Variants in OR6C3 observed in about 807,000 individuals in gnomAD.
The protein encoded by OR6C3 is olfactory receptor 6C3.
For synonymous variants in OR6C3, 177 were observed against 137.4 expected, an observed-to-expected ratio of 1.29 and a Z score of -2.02; for missense variants, 487 against 364.6, an observed-to-expected ratio of 1.34 and a Z score of -2.73.
Position 55,331,792 on chromosome 12 carries a change from C to A in OR6C3, c.92C>A (p.Thr31Lys), listed in dbSNP as rs200971550. Residue 31 changes from threonine (T) to lysine (K), a missense_variant, in exon 2 of 2, where the codon ACG (threonine) becomes AAG (lysine). Thr to Lys is a moderately conservative substitution (Grantham distance 78). Coordinates refer to ENST00000641740, the MANE Select transcript of OR6C3 (RefSeq NM_001388498.1). ...QIVIFLFLFI[T>K]YILSVTGNLT... Reference sequence around the variant, plus strand: ...GTGATTTTTCTCTTTTTATTTATCACGTATATATTAAGTGTTACTGGAAAC... The same window carrying A: ...GTGATTTTTCTCTTTTTATTTATCAAGTATATATTAAGTGTTACTGGAAAC... The A allele has an allele frequency of 1.2e-6, 2 of 1,613,108 alleles. No homozygotes were observed. The highest frequency in any genetic ancestry group is 1.7e-6 in the Non-Finnish European group (2 of 1,179,148).
chr12:55,332,347 T>G lies in OR6C3; in HGVS notation c.647T>G (p.Met216Arg), dbSNP rs1355099334. Residue 216 changes from methionine to arginine, a missense_variant, in exon 2 of 2, where the codon ATG becomes AGG. Transcript: ENST00000641740. ...FTLALVILSY[M>R]YIIRTILRIP... ...TTGGCATTAGTGATTTTATCTTACA[T>G]GTACATTATCAGGACCATTTTGAGA... is the stretch of plus-strand genomic sequence containing the variant. 6.2e-7 allele frequency: 1 copy of G among 1,614,044 alleles called. No homozygotes were observed. The highest frequency in any genetic ancestry group is 8.5e-7 in the Non-Finnish European group (1 of 1,180,040).
rs368054315 is a variant in OR6C3 at position 55,332,091 on chromosome 12, T to A, written c.391T>A (p.Ser131Thr). ...CATCTGCAAGCCCCTTCATTACACATCCATCATGAACAGGAAACTCTGCAC... is the reference window on the plus strand; with the variant it reads ...CATCTGCAAGCCCCTTCATTACACAACCATCATGAACAGGAAACTCTGCAC... ...VAICKPLHYT[S>T]IMNRKLCTLL... Residue 131 changes from serine to threonine, a missense_variant, in exon 2 of 2, where the codon TCC (serine) becomes ACC (threonine). Physicochemically the swap from Ser to Thr is moderately conservative, Grantham distance 58. Transcript: ENST00000641740. 1 of 1,614,028 alleles carries A rather than the reference T, an allele frequency of 6.2e-7. No individual in the cohort carries two copies. The highest frequency in any genetic ancestry group is 1.3e-5 in the African/African-American group (1 of 74,920).
At chr12:55,330,289 T>G (rs1868801668), upstream of OR6C3, 2 of 152,216 alleles carry the variant, frequency 1.3e-5, no homozygotes, top group South Asian at 4.1e-4. Context: ...GGAATAAATT[T>G]TTTTTGAACT....
intron 1 of OR6C3, 95 bp downstream of exon 1, chr12:55,330,902 T>C (rs1433793817): frequency 6.6e-6 from 1 of 152,078 alleles, no homozygotes; most frequent in East Asian, 1.9e-4. Flanking sequence ...AATGTCTGTA[T>C]GTAGAATATA....
At chr12:55,331,496 G>A (rs937052149) in intron 1 of OR6C3, among the ~76,000 whole-genome samples, 161 bp from the exon 2 acceptor site, 2 of 151,942 alleles carry the variant, frequency 1.3e-5, no homozygotes, top group Admixed American at 1.3e-4. Context: ...TAAATAGGCT[G>A]GACTTAGAAA....
rs1565665130 is a variant in OR6C3, at chr12:55,332,312, G to C, written c.612G>C (p.Leu204Phe). 6.2e-7 allele frequency: 1 copy of C among 1,613,888 alleles called. No individual in the cohort carries two copies. Among genetic ancestry groups the C allele is most frequent in the African/African-American group, 1.3e-5 (1 of 74,892 alleles). The part of the protein sequence containing the change: ...VIGFYFALVT[L>F]LFTLALVILS... ...GTTTTTACTTTGCTTTGGTTACTTT[G>C]CTGTTCACTTTGGCATTAGTGATTT... The change falls in exon 2 of 2, where the codon TTG becomes TTC. Residue 204 changes from leucine to phenylalanine, a missense_variant. Physicochemically the swap from Leu to Phe is conservative, Grantham distance 22. Coordinates refer to ENST00000641740, the MANE Select transcript of OR6C3 (RefSeq NM_001388498.1).
Position 55,332,324 on chromosome 12 carries a change from G to A in OR6C3, c.624G>A (p.Leu208=). The A allele has an allele frequency of 1.2e-6, 2 of 1,613,960 alleles. No homozygotes were observed. Among genetic ancestry groups the A allele is most frequent in the Non-Finnish European group, 1.7e-6 (2 of 1,179,998 alleles). ...CTTTGGTTACTTTGCTGTTCACTTTGGCATTAGTGATTTTATCTTACATGT... is the reference window on the plus strand; with the variant it reads ...CTTTGGTTACTTTGCTGTTCACTTTAGCATTAGTGATTTTATCTTACATGT... ...YFALVTLLFT[L]ALVILSYMYI... The change falls in exon 2 of 2, where the codon TTG becomes TTA. Residue 208 remains leucine (L), a synonymous_variant. Coordinates refer to ENST00000641740, the MANE Select transcript of OR6C3 (RefSeq NM_001388498.1).
In OR6C3 at chr12:55,331,660, A is replaced by G. The variant is rs1868851124; in HGVS notation, c.-41A>G. ...TCTACCAAAATATCTTTAAAAGAAC[A>G]AAAAGGAGAGTGGAAGAAGGAGAGA... On this transcript the variant is annotated 5_prime_UTR_variant, in exon 2 of 2. Transcript: ENST00000641740. 1.5e-6 allele frequency: 2 copies of G among 1,317,134 alleles called. No individual in the cohort carries two copies. The highest frequency in any genetic ancestry group is 2.9e-5 in the African/African-American group (2 of 67,876). 81.6% of individuals were successfully genotyped at this position (1,317,134 alleles called of 1,614,324 possible). A position where few individuals can be genotyped will look rare whatever the true frequency, so the allele number is the denominator to read the frequency against.
rs1346542701 is a variant in OR6C3 at position 55,332,175 on chromosome 12, C to T, written c.475C>T (p.Leu159Phe). 4.3e-6 allele frequency: 7 copies of T among 1,614,048 alleles called. No homozygotes were observed. The highest frequency in any genetic ancestry group is 5.9e-6 in the Non-Finnish European group (7 of 1,180,002). Residue 159 changes from leucine to phenylalanine, a missense_variant, in exon 2 of 2, where the codon CTT becomes TTT. Leu to Phe is a conservative substitution (Grantham distance 22). Transcript: ENST00000641740. ...TCTGACCATTTTCCCACCCCTTATGCTTCTCCTCCAGCTGGATTACTGTGC... is the reference window on the plus strand; with the variant it reads ...TCTGACCATTTTCCCACCCCTTATGTTTCTCCTCCAGCTGGATTACTGTGC... ...GFLTIFPPLM[L>F]LLQLDYCASN...
rs756277359 is a variant in OR6C3 at position 55,332,219 on chromosome 12, CTT to C, written c.521_522del (p.Phe174CysfsTer3). ...ACTGTGCTTCCAACGTCATTGATCA[CTT>C]TGCATGTGACTATTTTCCCCTCTTA... The part of the protein sequence containing the change: ...DYCASNVIDH[F>X]ACDYFPLLQL... On this transcript the variant is annotated frameshift_variant, in exon 2 of 2. Transcript: ENST00000641740. LOFTEE classifies it low-confidence loss of function (END_TRUNC). 5.4e-5 allele frequency: 87 copies of C among 1,614,108 alleles called. 1 individual carries two copies. In the East Asian group the frequency reaches 1.2e-3, roughly 21 times the overall value.
At position 55,332,458 on chromosome 12, in the gene OR6C3, T is replaced by C. The variant is rs201039887; in HGVS notation, c.758T>C (p.Ile253Thr). 16 of 1,614,088 alleles carry C rather than the reference T, an allele frequency of 9.9e-6. No homozygotes were observed. The highest frequency in any genetic ancestry group is 1.4e-5 in the Non-Finnish European group (16 of 1,179,982). The change falls in exon 2 of 2, where the codon ATA (isoleucine) becomes ACA (threonine). Residue 253 changes from isoleucine (I) to threonine (T), a missense_variant. Transcript: ENST00000641740. ...ATTTCCATTTCTTATGGAAGCTGTA[T>C]ATTCATGTATGCTAATCCATCTGCA... is the stretch of plus-strand genomic sequence containing the variant. The part of the protein sequence containing the change: ...IVISISYGSC[I>T]FMYANPSAKE...
At position 55,331,898 on chromosome 12, in the gene OR6C3, A is replaced by T. The variant is rs377081441; in HGVS notation, c.198A>T (p.Leu66Phe). ...TCTTCCTCCGGAACTTCTCTTTCTT[A>T]GAAATCTCATTTACAACCGTATGCA... ...MYFFLRNFSF[L>F]EISFTTVCIP... Residue 66 changes from leucine to phenylalanine, a missense_variant, in exon 2 of 2, where the codon TTA (leucine) becomes TTT (phenylalanine). Leu to Phe is a conservative substitution (Grantham distance 22). Transcript: ENST00000641740. 83 of 1,614,010 alleles carry T rather than the reference A, an allele frequency of 5.1e-5. No homozygotes were observed. The Admixed American group carries it at 1.4e-3, about 27-fold the overall frequency.
At position 55,332,457 on chromosome 12, in the gene OR6C3, A is replaced by G. The variant is rs142665694; in HGVS notation, c.757A>G (p.Ile253Val). Residue 253 changes from isoleucine to valine, a missense_variant, in exon 2 of 2, where the codon ATA becomes GTA. Coordinates refer to ENST00000641740, the MANE Select transcript of OR6C3 (RefSeq NM_001388498.1). ...CATTTCCATTTCTTATGGAAGCTGT[A>G]TATTCATGTATGCTAATCCATCTGC... ...IVISISYGSCIFMYANPSAKE... is the reference protein window; with the variant it reads ...IVISISYGSCVFMYANPSAKE... 2.2e-5 allele frequency: 35 copies of G among 1,613,940 alleles called. No homozygotes were observed. Among genetic ancestry groups the G allele is most frequent in the Admixed American group, 6.7e-5 (4 of 59,992 alleles).
rs778920995 is a variant in OR6C3 at position 55,331,712 on chromosome 12, A to G, written c.12A>G (p.Thr4=). ...AGAAAGGACGAGACATGAACCACACAATGGTCACAGAGTTTGTCCTCCTGG... is the reference window on the plus strand; with the variant it reads ...AGAAAGGACGAGACATGAACCACACGATGGTCACAGAGTTTGTCCTCCTGG... MNH[T]MVTEFVLLGL... The change falls in exon 2 of 2, where the codon ACA becomes ACG. Residue 4 remains threonine, a synonymous_variant. Transcript: ENST00000641740. The G allele has an allele frequency of 1.2e-6, 2 of 1,610,720 alleles. No individual in the cohort carries two copies. Among genetic ancestry groups the G allele is most frequent in the Non-Finnish European group, 8.5e-7 (1 of 1,177,456 alleles).
rs371374392 is a variant in OR6C3 at position 55,332,378 on chromosome 12, G to A, written c.678G>A (p.Pro226=). Residue 226 remains proline, a synonymous_variant, in exon 2 of 2, where the codon CCG becomes CCA. Coordinates refer to ENST00000641740, the MANE Select transcript of OR6C3 (RefSeq NM_001388498.1). ...MYIIRTILRI[P]SASQRKKAFS... ...TTATCAGGACCATTTTGAGAATCCC[G>A]TCTGCCAGTCAAAGAAAAAAGGCTT... 315 of 1,613,976 alleles carry A rather than the reference G, an allele frequency of 2.0e-4. 3 individuals are homozygous for A. In the South Asian group the frequency reaches 2.5e-3, roughly 13 times the overall value.
chr12:55,331,873 T>C lies in OR6C3; in HGVS notation c.173T>C (p.Phe58Ser). 6.2e-7 allele frequency: 1 copy of C among 1,614,186 alleles called. No individual in the cohort carries two copies. The highest frequency in any genetic ancestry group is 1.7e-5 in the Admixed American group (1 of 60,028). Residue 58 changes from phenylalanine (F) to serine (S), a missense_variant, in exon 2 of 2, where the codon TTC (phenylalanine) becomes TCC (serine). Coordinates refer to ENST00000641740, the MANE Select transcript of OR6C3 (RefSeq NM_001388498.1). ...TCCCATCTGCAGACACCTATGTATT[T>C]CTTCCTCCGGAACTTCTCTTTCTTA... Reference protein sequence around the residue: ...VDSHLQTPMYFFLRNFSFLEI... With the variant: ...VDSHLQTPMYSFLRNFSFLEI...
chr12:55,331,715 G>A lies in OR6C3; in HGVS notation c.15G>A (p.Met5Ile), dbSNP rs748043808. Reference protein sequence around the residue: MNHTMVTEFVLLGLS... With the variant: MNHTIVTEFVLLGLS... ...AAGGACGAGACATGAACCACACAAT[G>A]GTCACAGAGTTTGTCCTCCTGGGCC... is the stretch of plus-strand genomic sequence containing the variant. The change falls in exon 2 of 2, where the codon ATG becomes ATA. Residue 5 changes from methionine (M) to isoleucine (I), a missense_variant. By Grantham distance (10) the Met-to-Ile change is conservative (BLOSUM62 1). Transcript: ENST00000641740. 2.5e-6 allele frequency: 4 copies of A among 1,611,378 alleles called. No individual in the cohort carries two copies. Among genetic ancestry groups the A allele is most frequent in the African/African-American group, 2.7e-5 (2 of 74,832 alleles).
rs769431659 is a variant in OR6C3 at position 55,331,912 on chromosome 12, C to A, written c.212C>A (p.Thr71Lys). The change falls in exon 2 of 2, where the codon ACA (threonine) becomes AAA (lysine). Residue 71 changes from threonine (T) to lysine (K), a missense_variant. Transcript: ENST00000641740. ...TTCTCTTTCTTAGAAATCTCATTTA[C>A]AACCGTATGCATCCCCAGATTTCTG... is the stretch of plus-strand genomic sequence containing the variant. ...RNFSFLEISF[T>K]TVCIPRFLGA... is the part of the protein sequence containing the mutation. The A allele has an allele frequency of 1.2e-6, 2 of 1,613,956 alleles. No homozygotes were observed. The highest frequency in any genetic ancestry group is 1.1e-5 in the South Asian group (1 of 91,076).
At position 55,331,900 on chromosome 12, in the gene OR6C3, A is replaced by G. The variant is rs1199756735; in HGVS notation, c.200A>G (p.Glu67Gly). 1 of 1,614,006 alleles carries G rather than the reference A, an allele frequency of 6.2e-7. No individual in the cohort carries two copies. Among genetic ancestry groups the G allele is most frequent in the African/African-American group, 1.3e-5 (1 of 74,928 alleles). The change falls in exon 2 of 2, where the codon GAA becomes GGA. Residue 67 changes from glutamate to glycine, a missense_variant. By Grantham distance (98) the Glu-to-Gly change is moderately conservative (BLOSUM62 -2). Coordinates refer to ENST00000641740, the MANE Select transcript of OR6C3 (RefSeq NM_001388498.1). ...YFFLRNFSFLEISFTTVCIPR... is the reference protein window; with the variant it reads ...YFFLRNFSFLGISFTTVCIPR... ...TTCCTCCGGAACTTCTCTTTCTTAG[A>G]AATCTCATTTACAACCGTATGCATC... is the stretch of plus-strand genomic sequence containing the variant.
Sources: gnomAD v4.1 joint callset for allele counts (sites outside exome capture counted in the v4.1 genomes callset) on GRCh38, gnomAD v4.1.1 for gene constraint, MANE v1.5 for transcripts, NCBI Gene and HGNC (gene_info 2026-07-23, HGNC 2026-07-21) for gene names.